The following FTO variants were observed in gnomAD, a reference collection of about 807,000 sequenced individuals.
FTO encodes the protein alpha-ketoglutarate-dependent dioxygenase FTO.
In FTO, 47 loss-of-function variants were observed where a neutral mutation model predicts 63.9. The observed-to-expected ratio is 0.74, with a 90% CI of 0.58 to 0.94. The LOEUF (loss-of-function observed/expected upper bound fraction) is 0.94. Ranked by LOEUF, FTO falls within the 40% of genes least tolerant of loss-of-function variation. FTO has a pLI of 0.00. For synonymous variants in FTO, 207 were observed against 224.4 expected (o/e 0.92, Z 0.69); for missense variants, 562 against 618.1 (o/e 0.91, Z 0.96).
At chr16:53,995,501 C>A (rs1434207168) in intron 8 of FTO, among the ~76,000 whole-genome samples, 1 of 152,162 alleles carries the variant, frequency 6.6e-6, no homozygotes, top group Non-Finnish European at 1.5e-5. Context: ...AGTGAGAGAC[C>A]CGGGGCTAGA....
At chr16:54,085,792 G>A (rs1335894482) in intron 8 of FTO, among the ~76,000 whole-genome samples, 26 of 152,248 alleles carry the variant, frequency 1.7e-4, no homozygotes, top group South Asian at 4.2e-4. Context: ...GACTCGTCTC[G>A]CTGTAGTTGT....
chr16:53,746,919 T>C (rs2076664045), intron 1 of FTO, among the ~76,000 whole-genome samples: 1 of 152,202 alleles, frequency 6.6e-6, no homozygotes. Context: ...AGTTCAGTTG[T>C]TTTTGATTCC....
intron 7 of FTO, among the ~76,000 whole-genome samples, chr16:53,897,854 C>T: frequency 6.6e-6 from 1 of 152,162 alleles, no homozygotes; most frequent in East Asian, 1.9e-4. Flanking sequence ...GTAATTTGAA[C>T]TGTCCAGTTG....
At chr16:53,710,045 C>T (rs2075728365) in intron 1 of FTO, among the ~76,000 whole-genome samples, 1 of 152,014 alleles carries the variant, frequency 6.6e-6, no homozygotes, top group Admixed American at 6.6e-5. Context: ...TTGCATATTA[C>T]CTTTCATTGT....
chr16:53,791,917 A>G (rs2077924980), intron 1 of FTO, among the ~76,000 whole-genome samples: 1 of 152,058 alleles, frequency 6.6e-6, no homozygotes, highest in South Asian at 2.1e-4. Flanking sequence ...TACTAAAAAT[A>G]CAAAAAAAAT....
chr16:53,968,751 C>T (rs1263383835), intron 8 of FTO, among the ~76,000 whole-genome samples: 1 of 152,198 alleles, frequency 6.6e-6, no homozygotes, highest in African/African-American at 2.4e-5. Flanking sequence ...CTGGGGACCT[C>T]ATCCTATCCT....
rs2086986064 is a variant in FTO at position 54,118,369 on chromosome 16, T to C, written c.*6454T>C. The C allele has an allele frequency of 6.6e-6, 1 of 151,308 alleles. No homozygotes were observed. Among genetic ancestry groups the C allele is most frequent in the South Asian group, 2.1e-4 (1 of 4,752 alleles). 9.4% of individuals were successfully genotyped at this position (151,308 alleles called of 1,614,324 possible). ...TCACACAGTCTTTTTTTTTTTTCTT[T>C]TTTTTTTTCAGACAGGGTCTCACCC... is the stretch of plus-strand genomic sequence containing the variant. On this transcript the variant is annotated 3_prime_UTR_variant, in exon 9 of 9. Coordinates refer to ENST00000471389, the MANE Select transcript of FTO (RefSeq NM_001080432.3).
intron 1 of FTO, among the ~76,000 whole-genome samples, chr16:53,704,545 T>G (rs1397802977): frequency 6.6e-6 from 1 of 152,224 alleles, no homozygotes; most frequent in Non-Finnish European, 1.5e-5. Context: ...CAGATGACTG[T>G]GATCATACCA....
chr16:53,824,415 C>G (rs1694727038), intron 2 of FTO, among the ~76,000 whole-genome samples: 1 of 152,180 alleles, frequency 6.6e-6, no homozygotes, highest in Non-Finnish European at 1.5e-5. Flanking sequence ...TCCTGAAGAT[C>G]TCAGCTTAAA....
intron 8 of FTO, among the ~76,000 whole-genome samples, chr16:53,973,903 G>C (rs1472599397): frequency 6.6e-6 from 1 of 152,164 alleles, no homozygotes; most frequent in Non-Finnish European, 1.5e-5. Flanking sequence ...GGACTAGGTA[G>C]TAAACTGCAG....
chr16:53,793,890 GAA>G (rs1417203556), intron 1 of FTO, among the ~76,000 whole-genome samples: 2 of 152,042 alleles, frequency 1.3e-5, no homozygotes, highest in African/African-American at 2.4e-5. Flanking sequence ...AACAGTAAAA[GAA>G]AAATACCTAG....
At chr16:54,069,498 G>GA (rs1290820490) in intron 8 of FTO, among the ~76,000 whole-genome samples, 2 of 151,970 alleles carry the variant, frequency 1.3e-5, no homozygotes, top group Non-Finnish European at 2.9e-5. Flanking sequence ...GTTCCATGGG[G>GA]AAAAACAAAA....
intron 4 of FTO, among the ~76,000 whole-genome samples, chr16:53,855,585 A>G (rs1489330376): frequency 6.6e-6 from 1 of 152,132 alleles, no homozygotes; most frequent in African/African-American, 2.4e-5. Context: ...TGGTTATACA[A>G]GCAAAAGGAA....
chr16:53,924,916 G>C (rs2082101801), intron 7 of FTO, among the ~76,000 whole-genome samples: 1 of 152,094 alleles, frequency 6.6e-6, no homozygotes, highest in African/African-American at 2.4e-5. Context: ...GCATCACTCA[G>C]CATTGAGCCA....
intron 2 of FTO, among the ~76,000 whole-genome samples, chr16:53,817,240 C>A (rs1217689966): frequency 6.6e-6 from 1 of 152,126 alleles, no homozygotes; most frequent in Non-Finnish European, 1.5e-5. Context: ...TGTAGCAAAG[C>A]ACATGTTACC....
At chr16:53,994,573 G>A (rs2143936572) in intron 8 of FTO, 1 of 152,186 alleles carries the variant, frequency 6.6e-6, no homozygotes, top group African/African-American at 2.4e-5. Flanking sequence ...GTATTGCCCA[G>A]GCTGGTCTCA....
chr16:53,750,972 C>G (rs2076775341), intron 1 of FTO, among the ~76,000 whole-genome samples: 1 of 152,198 alleles, frequency 6.6e-6, no homozygotes, highest in African/African-American at 2.4e-5. Flanking sequence ...GGTGACATTC[C>G]TGGTTTGTTT....
chr16:53,961,190 AGTG>A (rs1567476246), intron 8 of FTO, among the ~76,000 whole-genome samples: 7 of 151,094 alleles, frequency 4.6e-5, no homozygotes, highest in Non-Finnish European at 8.8e-5. Context: ...CTCTGCATCG[AGTG>A]CAGCTTTGTG....
chr16:54,093,313 C>T (rs2086438022), intron 8 of FTO, among the ~76,000 whole-genome samples: 1 of 152,238 alleles, frequency 6.6e-6, no homozygotes, highest in Admixed American at 6.5e-5. Context: ...TATCAGCTAG[C>T]GCGGCAGAAA....
Sources: allele counts gnomAD v4.1 joint callset (sites outside exome capture counted in the v4.1 genomes callset), GRCh38; gene constraint gnomAD v4.1.1; transcripts MANE v1.5; gene names NCBI Gene and HGNC (gene_info 2026-07-23, HGNC 2026-07-21).